PTPRD: variants seen among roughly 807,000 people sequenced by gnomAD.
PTPRD encodes receptor-type tyrosine-protein phosphatase delta.
A neutral mutation model predicts 214.5 loss-of-function variants in PTPRD; 34 were observed. That is an observed-to-expected ratio of 0.16 (90% confidence interval 0.12 to 0.21). PTPRD has a LOEUF of 0.21. Among genes scored for constraint, PTPRD ranks in the 10% least tolerant of loss-of-function variants. The pLI, the probability that PTPRD is intolerant of heterozygous loss-of-function variation, is 1.00. For missense variants in PTPRD, 2,545 were observed against 2,398.7 expected (o/e 1.06, Z -1.27); for synonymous variants, 1,128 against 845.7 (o/e 1.33, Z -5.79).
At chr9:8,701,711 G>T (rs957981684) in intron 12 of PTPRD, among the ~76,000 whole-genome samples, 2 of 152,018 alleles carry the variant, frequency 1.3e-5, no homozygotes, top group Non-Finnish European at 2.9e-5. Context: ...GTCACCCTTG[G>T]ATGCCCAATT....
chr9:10,130,178 T>A (rs1256374760), intron 3 of PTPRD, among the ~76,000 whole-genome samples: 5 of 151,902 alleles, frequency 3.3e-5, no homozygotes, highest in African/African-American at 1.2e-4. Context: ...AATCTATTTT[T>A]TTTTTTTTTG....
At chr9:9,230,177 G>T (rs2133813514) in intron 9 of PTPRD, among the ~76,000 whole-genome samples, 1 of 152,204 alleles carries the variant, frequency 6.6e-6, no homozygotes, top group South Asian at 2.1e-4. Flanking sequence ...GAGACAATGG[G>T]GGTGGGTGGG....
intron 6 of PTPRD, among the ~76,000 whole-genome samples, chr9:9,744,990 A>C (rs908461091): frequency 9.9e-5 from 15 of 152,240 alleles, no homozygotes; most frequent in African/African-American, 3.6e-4. Context: ...TTCCATAATC[A>C]ACAAGCTAAT....
At chr9:8,485,082 G>C (rs2096970513) in intron 29 of PTPRD, 145 bp downstream of exon 29, 2 of 647,086 alleles carry the variant, frequency 3.1e-6, no homozygotes, top group Non-Finnish European at 5.4e-6. Context: ...GCACCAAACT[G>C]TCTCCCATGT....
intron 9 of PTPRD, among the ~76,000 whole-genome samples, chr9:9,356,106 T>C (rs1318252192): frequency 6.6e-6 from 1 of 150,894 alleles, no homozygotes; most frequent in Non-Finnish European, 1.5e-5. Context: ...TAAAGAAGAA[T>C]CACAGAAAAA....
rs547653961 is a variant in PTPRD at position 8,559,797 on chromosome 9, G to T, written c.353-31018C>A. 2.6e-5 allele frequency among the ~76,000 whole-genome samples: 4 copies of T among 152,322 alleles called. No homozygotes were observed. The East Asian group carries it at 7.7e-4, about 29-fold the overall frequency. On this transcript the variant is annotated intron_variant, in intron 14 of 45. Coordinates refer to ENST00000381196, the MANE Select transcript of PTPRD (RefSeq NM_002839.4). The stretch of plus-strand genomic sequence containing the variant: ...ACAGCTTTAATTTACTAGCCCATGA[G>T]AAGTCAGCTTCAAAGAACACCATTT...
At chr9:9,513,665 A>G (rs929446525) in intron 8 of PTPRD, among the ~76,000 whole-genome samples, 1 of 151,830 alleles carries the variant, frequency 6.6e-6, no homozygotes, top group Non-Finnish European at 1.5e-5. Context: ...TCCTTCCCCA[A>G]ACCTTTCATG....
intron 8 of PTPRD, among the ~76,000 whole-genome samples, chr9:9,422,858 C>T (rs1338746484): frequency 1.3e-5 from 2 of 152,102 alleles, no homozygotes; most frequent in African/African-American, 4.8e-5. Flanking sequence ...TGAACCTAAA[C>T]AAACAAGGAG....
intron 11 of PTPRD, among the ~76,000 whole-genome samples, chr9:8,950,631 G>A (rs1171027995): frequency 6.6e-6 from 1 of 151,792 alleles, no homozygotes; most frequent in African/African-American, 2.4e-5. Flanking sequence ...ATATAATGGA[G>A]CAAGTATCCA....
chr9:8,402,143 A>G (rs1390100684), intron 36 of PTPRD, among the ~76,000 whole-genome samples: 6 of 152,296 alleles, frequency 3.9e-5, no homozygotes, highest in African/African-American at 1.2e-4. Context: ...AATTTAGATG[A>G]AAGCTCTCTA....
At chr9:10,279,339 G>A (rs942133462) in intron 3 of PTPRD, among the ~76,000 whole-genome samples, 2 of 152,236 alleles carry the variant, frequency 1.3e-5, no homozygotes, top group Non-Finnish European at 1.5e-5. Context: ...AGACATAACA[G>A]TTTGGTGATT....
chr9:9,025,173 T>A (rs2154372483), intron 10 of PTPRD, among the ~76,000 whole-genome samples: 1 of 152,160 alleles, frequency 6.6e-6, no homozygotes, highest in South Asian at 2.1e-4. Flanking sequence ...ATTTTATGAC[T>A]TTATTTTTCC....
At chr9:8,360,116 A>C (rs2078101800) in intron 39 of PTPRD, among the ~76,000 whole-genome samples, 1 of 152,236 alleles carries the variant, frequency 6.6e-6, no homozygotes, top group Non-Finnish European at 1.5e-5. Flanking sequence ...ATATAGTTAC[A>C]AAATAAATGA....
chr9:9,135,428 G>A (rs534424240), intron 10 of PTPRD, among the ~76,000 whole-genome samples: 6 of 152,278 alleles, frequency 3.9e-5, no homozygotes, highest in Admixed American at 3.9e-4. Flanking sequence ...AGAGTTTAAA[G>A]GATTGAAGAT....
chr9:9,597,417 C>T (rs958711299), intron 7 of PTPRD, among the ~76,000 whole-genome samples: 10 of 151,852 alleles, frequency 6.6e-5, no homozygotes, highest in Non-Finnish European at 1.3e-4. Flanking sequence ...AATAAAGGAC[C>T]GGTTCCACAG....
intron 9 of PTPRD, among the ~76,000 whole-genome samples, chr9:9,210,495 A>G (rs1332140861): frequency 6.6e-6 from 1 of 152,206 alleles, no homozygotes; most frequent in Admixed American, 6.5e-5. Flanking sequence ...GTTTTCATCA[A>G]AAAACATAAC....
intron 2 of PTPRD, among the ~76,000 whole-genome samples, chr9:10,348,771 C>G (rs2097132515): frequency 6.6e-6 from 1 of 152,148 alleles, no homozygotes; most frequent in Non-Finnish European, 1.5e-5. Context: ...CTTAAACTCA[C>G]TAAGCTAAAA....
intron 9 of PTPRD, among the ~76,000 whole-genome samples, chr9:9,279,243 T>A (rs62535761): frequency 0.13 from 19,516 of 149,718 alleles, 1,627 homozygotes; most frequent in Middle Eastern, 0.2. Flanking sequence ...TATATCTATA[T>A]AAGAATATGT....
intron 7 of PTPRD, 40 bp from the exon 8 acceptor site, chr9:9,574,821 G>A (rs1296535665): frequency 6.6e-6 from 1 of 152,032 alleles, no homozygotes; most frequent in Non-Finnish European, 1.5e-5. Context: ...ATTAGTACTA[G>A]TGTTCAATTT....
Sources: allele counts gnomAD v4.1 joint callset (sites outside exome capture counted in the v4.1 genomes callset), GRCh38; gene constraint gnomAD v4.1.1; transcripts MANE v1.5; gene names NCBI Gene and HGNC (gene_info 2026-07-23, HGNC 2026-07-21).